Variants in TMTC1 observed in about 807,000 individuals in gnomAD.
TMTC1 encodes the protein protein O-mannosyl-transferase TMTC1.
A neutral mutation model predicts 104.8 loss-of-function variants in TMTC1; 73 were observed. The observed-to-expected ratio is 0.70, with a 90% CI of 0.58 to 0.85. TMTC1 has a LOEUF of 0.85. Ranked by LOEUF, TMTC1 falls within the 40% of genes least tolerant of loss-of-function variation. TMTC1 has a pLI of 0.00. For missense variants in TMTC1, 1,035 were observed against 1,096.1 expected (o/e 0.94, Z 0.79); for synonymous variants, 434 against 428.7 (o/e 1.01, Z -0.15).
intron 11 of TMTC1, among the ~76,000 whole-genome samples, chr12:29,530,794 A>C (rs774532872): frequency 3.3e-5 from 5 of 151,928 alleles, no homozygotes; most frequent in Non-Finnish European, 7.4e-5. Flanking sequence ...CATGATTTTA[A>C]GTTGACATAT....
At chr12:29,673,137 A>AT (rs1940580259) in intron 5 of TMTC1, among the ~76,000 whole-genome samples, 1 of 152,198 alleles carries the variant, frequency 6.6e-6, no homozygotes, top group Non-Finnish European at 1.5e-5. Flanking sequence ...TTGGAACTCT[A>AT]TTTTTTGCAT....
chr12:29,702,425 A>G (rs1565780333), intron 5 of TMTC1, among the ~76,000 whole-genome samples: 1 of 152,184 alleles, frequency 6.6e-6, no homozygotes, highest in Admixed American at 6.5e-5. Context: ...AGGTGGTTGG[A>G]CTTGGGCCTC....
chr12:29,512,568 G>A (rs949222278), intron 16 of TMTC1, among the ~76,000 whole-genome samples: 3 of 152,064 alleles, frequency 2.0e-5, no homozygotes, highest in African/African-American at 4.8e-5. Flanking sequence ...TGACCTAGTC[G>A]TTCAGCCTAT....
chr12:29,730,241 T>C (rs1356337425), intron 5 of TMTC1, among the ~76,000 whole-genome samples: 1 of 152,198 alleles, frequency 6.6e-6, no homozygotes, highest in Non-Finnish European at 1.5e-5. Flanking sequence ...TTCTGACAGA[T>C]CAAACCACTG....
chr12:29,778,398 G>C lies in TMTC1; in HGVS notation c.302+5052C>G, dbSNP rs138969483. On this transcript the variant is annotated intron_variant, in intron 1 of 17. Transcript: ENST00000539277. ...GGTTGGGATAAAATTAAAAAGCTAA[G>C]TTTATTTTAAACCATTCTGGACCAT... 4.0e-3 allele frequency among the ~76,000 whole-genome samples: 616 copies of C among 152,274 alleles called. 6 individuals carry two copies. Among genetic ancestry groups the C allele is most frequent in the African/African-American group, 0.014 (585 of 41,560 alleles).
intron 2 of TMTC1, among the ~76,000 whole-genome samples, chr12:29,763,159 A>G (rs1353715753): frequency 1.3e-5 from 2 of 152,238 alleles, no homozygotes; most frequent in Admixed American, 6.5e-5. Flanking sequence ...CATTGCAGCC[A>G]GTTTGGAAGA....
At chr12:29,694,206 C>T (rs1191405785) in intron 5 of TMTC1, among the ~76,000 whole-genome samples, 1 of 152,170 alleles carries the variant, frequency 6.6e-6, no homozygotes, top group African/African-American at 2.4e-5. Context: ...TCTACGCTTG[C>T]CTATGCTTCT....
chr12:29,543,613 G>A (rs559512034), intron 10 of TMTC1, among the ~76,000 whole-genome samples: 8 of 152,262 alleles, frequency 5.3e-5, no homozygotes, highest in African/African-American at 1.4e-4. Flanking sequence ...AAATGAAAAA[G>A]ATCATGGTTT....
chr12:29,655,240 G>C (rs894443866), intron 5 of TMTC1, among the ~76,000 whole-genome samples: 8 of 152,094 alleles, frequency 5.3e-5, no homozygotes, highest in Non-Finnish European at 1.2e-4. Flanking sequence ...ACAGAAAGTA[G>C]ACCAGTGGCT....
At chr12:29,611,173 AC>A (rs1946834728) in intron 6 of TMTC1, among the ~76,000 whole-genome samples, 1 of 135,016 alleles carries the variant, frequency 7.4e-6, no homozygotes, top group African/African-American at 2.7e-5. Flanking sequence ...TTGGTTCTGA[AC>A]TTCTTTTTTT....
chr12:29,706,275 A>G (rs1434564236), intron 5 of TMTC1, among the ~76,000 whole-genome samples: 1 of 152,172 alleles, frequency 6.6e-6, no homozygotes, highest in African/African-American at 2.4e-5. Context: ...GAAGGTTTAG[A>G]TGGGGAGAGA....
intron 5 of TMTC1, among the ~76,000 whole-genome samples, chr12:29,711,948 A>C (rs1941939286): frequency 7.4e-6 from 1 of 134,332 alleles, no homozygotes; most frequent in East Asian, 2.4e-4. Flanking sequence ...CAGAGCTTGC[A>C]GTGAGCCCAG....
chr12:29,775,327 C>T (rs1000135144), intron 1 of TMTC1, among the ~76,000 whole-genome samples: 3 of 152,048 alleles, frequency 2.0e-5, no homozygotes, highest in Admixed American at 6.6e-5. Flanking sequence ...AGGGCAAAGT[C>T]GTCCACAAAA....
At chr12:29,539,024 G>T (rs1944721322) in intron 10 of TMTC1, among the ~76,000 whole-genome samples, 1 of 152,138 alleles carries the variant, frequency 6.6e-6, no homozygotes, top group South Asian at 2.1e-4. Context: ...AGCCCAATAA[G>T]TTGATAAGTG....
chr12:29,512,971 T>C (rs1943881454), intron 16 of TMTC1, among the ~76,000 whole-genome samples: 1 of 152,220 alleles, frequency 6.6e-6, no homozygotes, highest in Admixed American at 6.5e-5. Flanking sequence ...AAATAAAATC[T>C]GGTCCATTCT....
At chr12:29,723,546 C>T (rs1326343096) in intron 5 of TMTC1, among the ~76,000 whole-genome samples, 1 of 151,924 alleles carries the variant, frequency 6.6e-6, no homozygotes, top group Non-Finnish European at 1.5e-5. Context: ...CATAGTGAGA[C>T]CCCATCTGTA....
intron 5 of TMTC1, among the ~76,000 whole-genome samples, chr12:29,728,291 G>A (rs916238111): frequency 2.6e-5 from 4 of 152,150 alleles, no homozygotes; most frequent in Admixed American, 6.5e-5. Flanking sequence ...TCAGTCCAGA[G>A]GCTCAGGAGC....
At chr12:29,636,605 G>C (rs141054720) in intron 5 of TMTC1, among the ~76,000 whole-genome samples, 3,946 of 152,052 alleles carry the variant, frequency 0.026, 175 homozygotes, top group African/African-American at 0.091. Context: ...GGATCACAAG[G>C]TCAAGAGATC....
At chr12:29,645,072 A>C (rs150129576) in intron 5 of TMTC1, among the ~76,000 whole-genome samples, 1 of 152,214 alleles carries the variant, frequency 6.6e-6, no homozygotes, top group Non-Finnish European at 1.5e-5. Flanking sequence ...ATGTCTGTCT[A>C]TAATTATTTC....
Sources: gnomAD v4.1 joint callset for allele counts (sites outside exome capture counted in the v4.1 genomes callset) on GRCh38, gnomAD v4.1.1 for gene constraint, MANE v1.5 for transcripts, NCBI Gene and HGNC (gene_info 2026-07-23, HGNC 2026-07-21) for gene names.